Variants in ZBTB11 observed in about 807,000 individuals in gnomAD.
ZBTB11 encodes the protein zinc finger and BTB domain containing 11.
ZBTB11 carries 68 observed loss-of-function variants against 113.1 expected under a neutral mutation model. That is an observed-to-expected ratio of 0.60 (90% CI 0.49 to 0.74). ZBTB11 has a LOEUF of 0.74. ZBTB11 is among the 30% of genes least tolerant of loss of function. The probability of loss-of-function intolerance (pLI) is 0.00; values close to 1 mark genes in which losing one functional copy is unlikely to be tolerated. For missense variants in ZBTB11, 1,104 were observed against 1,279.4 expected (o/e 0.86, Z 2.09); for synonymous variants, 518 against 452.6 (o/e 1.14, Z -1.83).
rs772447452 is a variant in ZBTB11 at position 101,671,116 on chromosome 3, T to C, written c.778+14A>G. ...CATTACAAACAAAAAGCAAGAGTAA[T>C]ACAAAACCCTTACCAGAAAGATCCA... On this transcript the variant is annotated intron_variant, in intron 3 of 10. Coordinates refer to ENST00000312938, the MANE Select transcript of ZBTB11 (RefSeq NM_014415.4). 4.4e-6 allele frequency: 7 copies of C among 1,606,300 alleles called. No individual in the cohort carries two copies. Among genetic ancestry groups the C allele is most frequent in the African/African-American group, 1.3e-5 (1 of 74,708 alleles).
rs1937093631 is a variant in ZBTB11 at position 101,672,027 on chromosome 3, G to A, written c.497C>T (p.Ala166Val). 1.9e-6 allele frequency: 3 copies of A among 1,614,052 alleles called. No homozygotes were observed. Among genetic ancestry groups the A allele is most frequent in the African/African-American group, 2.7e-5 (2 of 74,940 alleles). ...TGGCTTCTTTTTTGCAGGCTTGGAT[G>A]CTGTAGTTGGAGATGAAGTAAAGTT... ...LSNFTSSPTT[A>V]SKPAKKKPVS... Residue 166 changes from alanine (A) to valine (V), a missense_variant, in exon 2 of 11, where the codon GCA (alanine) becomes GTA (valine). Ala to Val is a moderately conservative substitution (Grantham distance 64, BLOSUM62 0). This residue lies in a region of ZBTB11 where 245 missense variants were observed against 272.5 expected (regional missense o/e 0.90). Coordinates refer to ENST00000312938, the MANE Select transcript of ZBTB11 (RefSeq NM_014415.4).
chr3:101,666,157 G>C (rs956147037), intron 3 of ZBTB11, among the ~76,000 whole-genome samples: 6 of 152,144 alleles, frequency 3.9e-5, no homozygotes, highest in Admixed American at 6.5e-5. Flanking sequence ...GAGGAAGACA[G>C]GTGAGTGGCA....
intron 3 of ZBTB11, among the ~76,000 whole-genome samples, chr3:101,670,461 G>C (rs1256349733): frequency 6.6e-6 from 1 of 152,020 alleles, no homozygotes; most frequent in Non-Finnish European, 1.5e-5. Context: ...TTACAATAAT[G>C]ATACAAACAA....
At chr3:101,651,842 G>A (rs1271923408) in intron 10 of ZBTB11, among the ~76,000 whole-genome samples, 159 bp from the exon 11 acceptor site, 2 of 152,160 alleles carry the variant, frequency 1.3e-5, no homozygotes, top group Admixed American at 6.5e-5. Context: ...TTAGAATAAA[G>A]AAGATTCTTT....
chr3:101,656,908 C>T (rs1209367403), intron 6 of ZBTB11, among the ~76,000 whole-genome samples: 1 of 150,292 alleles, frequency 6.7e-6, no homozygotes, highest in Non-Finnish European at 1.5e-5. Context: ...CTGAGACGGG[C>T]GGATCATTTG....
At chr3:101,674,298 A>G (rs1265537546) in intron 1 of ZBTB11, among the ~76,000 whole-genome samples, 1 of 152,170 alleles carries the variant, frequency 6.6e-6, no homozygotes, top group Admixed American at 6.5e-5. Context: ...CCTGGGTGAC[A>G]GAACAAGACT....
intron 1 of ZBTB11, 88 bp from the exon 2 acceptor site, chr3:101,672,301 A>G (rs1424339011): frequency 1.2e-6 from 1 of 850,992 alleles, no homozygotes; most frequent in Non-Finnish European, 1.8e-6. Flanking sequence ...AACACATTTC[A>G]GTACATATGT....
At chr3:101,660,130 T>C in intron 5 of ZBTB11, 102 bp from the exon 6 acceptor site, 1 of 1,142,898 alleles carries the variant, frequency 8.7e-7, no homozygotes, top group Non-Finnish European at 1.2e-6. Flanking sequence ...ATTATATAAA[T>C]CAATAAACAC....
chr3:101,652,822 C>T lies in ZBTB11; in HGVS notation c.2426G>A (p.Trp809Ter). 1 of 1,613,980 alleles carries T rather than the reference C, an allele frequency of 6.2e-7. No individual in the cohort carries two copies. The highest frequency in any genetic ancestry group is 8.5e-7 in the Non-Finnish European group (1 of 1,179,972). The change falls in exon 9 of 11, where the codon TGG (tryptophan) becomes TAG (stop). Residue 809 changes from tryptophan (W) to a stop codon, truncating the protein, a stop_gained. Transcript: ENST00000312938. LOFTEE classifies it high-confidence loss of function. ...CDKCYSWKKD[W>*]YSHVKSHSVT... Reference sequence around the variant, plus strand: ...AGAATGAGACTTCACATGGGAATACCAATCTTTCTTCCAACTATAGCACTT... The same window carrying T: ...AGAATGAGACTTCACATGGGAATACTAATCTTTCTTCCAACTATAGCACTT...
chr3:101,658,444 G>C (rs1014602441), intron 6 of ZBTB11, among the ~76,000 whole-genome samples: 1 of 152,084 alleles, frequency 6.6e-6, no homozygotes, highest in East Asian at 1.9e-4. Flanking sequence ...GGATGGTCTC[G>C]ATCTCCTGAC....
At chr3:101,668,014 C>T (rs1164013337) in intron 3 of ZBTB11, among the ~76,000 whole-genome samples, 1 of 152,020 alleles carries the variant, frequency 6.6e-6, no homozygotes, top group Non-Finnish European at 1.5e-5. Context: ...CAGTGGAATA[C>T]TATTCAGCCA....
Position 101,650,584 on chromosome 3 carries a change from T to C in ZBTB11, c.*582A>G, listed in dbSNP as rs535745678. The C allele has an allele frequency of 3.9e-5, 6 of 152,722 alleles. No homozygotes were observed. Among genetic ancestry groups the C allele is most frequent in the South Asian group, 2.1e-4 (1 of 4,816 alleles). The allele number at this position is 152,722 out of a possible 1,614,324, so 9.5% of individuals were successfully genotyped here. ...CATGTAACTCATAAGTGCTTTAAAA[T>C]AGAATAAAGCATCCCTGACTTAAAA... On this transcript the variant is annotated 3_prime_UTR_variant, in exon 11 of 11. Transcript: ENST00000312938.
At chr3:101,667,694 T>C (rs942470410) in intron 3 of ZBTB11, among the ~76,000 whole-genome samples, 39 of 151,980 alleles carry the variant, frequency 2.6e-4, no homozygotes, top group Admixed American at 1.3e-4. Flanking sequence ...GGAGTTTCGC[T>C]CTTGTTGCCC....
chr3:101,658,200 G>A (rs1012471669), intron 6 of ZBTB11, among the ~76,000 whole-genome samples: 2 of 151,904 alleles, frequency 1.3e-5, no homozygotes, highest in African/African-American at 2.4e-5. Context: ...GGATGGAACC[G>A]GAGACCACTA....
At chr3:101,676,381 G>C in intron 1 of ZBTB11, 3 of 446,068 alleles carry the variant, frequency 6.7e-6, no homozygotes, top group Non-Finnish European at 1.1e-5. Context: ...AGCCCCCTTG[G>C]TCCCACCCAG....
intron 8 of ZBTB11, among the ~76,000 whole-genome samples, chr3:101,654,434 A>G (rs1481392968): frequency 2.6e-5 from 4 of 152,188 alleles, no homozygotes; most frequent in Admixed American, 2.6e-4. Flanking sequence ...GGGGAAAGAA[A>G]CTGGCTGGCA....
At chr3:101,661,099 T>C (rs1256514876) in intron 5 of ZBTB11, among the ~76,000 whole-genome samples, 1 of 152,034 alleles carries the variant, frequency 6.6e-6, no homozygotes, top group East Asian at 1.9e-4. Flanking sequence ...CCGAGCATTA[T>C]GGTGCATGCC....
intron 2 of ZBTB11, chr3:101,671,669 T>C: frequency 1.7e-6 from 1 of 576,430 alleles, no homozygotes; most frequent in Non-Finnish European, 3.0e-6. Context: ...TAATTTTACC[T>C]TGGGGCGTAA....
Position 101,671,123 on chromosome 3 carries a change from C to T in ZBTB11, c.778+7G>A, listed in dbSNP as rs1937079185. 6.2e-7 allele frequency: 1 copy of T among 1,610,628 alleles called. No homozygotes were observed. The highest frequency in any genetic ancestry group is 1.3e-5 in the African/African-American group (1 of 74,862). On this transcript the variant is annotated splice_region_variant and intron_variant, in intron 3 of 10. Transcript: ENST00000312938. ...AACAAAAAGCAAGAGTAATACAAAA[C>T]CCTTACCAGAAAGATCCACCACAGC...
Sources: gnomAD v4.1 joint callset for allele counts (sites outside exome capture counted in the v4.1 genomes callset) on GRCh38, gnomAD v4.1.1 for gene constraint, gnomAD v4.1.1 regional missense constraint, MANE v1.5 for transcripts, NCBI Gene and HGNC (gene_info 2026-07-23, HGNC 2026-07-21) for gene names.